CFAP299: variants seen among roughly 807,000 people sequenced by gnomAD.
CFAP299 encodes cilia and flagella associated protein 299, also known as cilia- and flagella-associated protein 299.
Under a neutral mutation model 27.0 loss-of-function variants are expected in CFAP299, and 21 were observed. That is an observed-to-expected ratio of 0.78 (90% CI 0.55 to 1.12). The LOEUF is 1.12. Ranked by LOEUF, CFAP299 falls within the 50% of genes most tolerant of loss-of-function variation. The probability of loss-of-function intolerance (pLI) is 0.00; values close to 1 mark genes in which losing one functional copy is unlikely to be tolerated. For missense variants in CFAP299, 310 were observed against 276.6 expected, an observed-to-expected ratio of 1.12 and a Z score of -0.86; for synonymous variants, 104 against 98.1, an observed-to-expected ratio of 1.06 and a Z score of -0.36.
At chr4:80,909,321 T>C (rs1323327484) in intron 4 of CFAP299, among the ~76,000 whole-genome samples, 1 of 152,102 alleles carries the variant, frequency 6.6e-6, no homozygotes, top group African/African-American at 2.4e-5. Flanking sequence ...AGAGATCTTT[T>C]ACAAGACTTA....
At chr4:80,341,114 C>T (rs950571016) in intron 1 of CFAP299, among the ~76,000 whole-genome samples, 2 of 152,194 alleles carry the variant, frequency 1.3e-5, no homozygotes, top group Admixed American at 6.5e-5. Context: ...TCCATTCCTT[C>T]CCACTGGGCA....
chr4:80,390,982 C>CAT lies in CFAP299; in HGVS notation c.242+28099_242+28100dup, dbSNP rs1283054502. Among the ~76,000 whole-genome samples, 52 of 140,024 alleles carry CAT rather than the reference C, an allele frequency of 3.7e-4. 2 individuals are homozygous for CAT. Among genetic ancestry groups the CAT allele is most frequent in the African/African-American group, 1.2e-3 (44 of 37,374 alleles). The allele number at this position is 140,024 out of a possible 152,430, so 91.9% of individuals were successfully genotyped here. ...ATATATGTATATATGTATGTACACA[C>CAT]ATGTATATATGTATATATGTATGTA... On this transcript the variant is annotated intron_variant, in intron 2 of 5. Coordinates refer to ENST00000358105, the MANE Select transcript of CFAP299 (RefSeq NM_152770.3).
chr4:80,635,219 T>G lies in CFAP299; in HGVS notation c.333+52036T>G, dbSNP rs1422696543. Among the ~76,000 whole-genome samples the G allele has an allele frequency of 3.3e-5, 5 of 152,112 alleles. No homozygotes were observed. In the East Asian group the frequency reaches 9.6e-4, roughly 29 times the overall value. On this transcript the variant is annotated intron_variant, in intron 3 of 5. Transcript: ENST00000358105. ...TCATTTATGACATTTCAGATATAAT[T>G]CCAGCTTATCTGGAATTTAATACAG...
chr4:80,473,562 T>A (rs1173660085), intron 2 of CFAP299, among the ~76,000 whole-genome samples: 1 of 151,946 alleles, frequency 6.6e-6, no homozygotes, highest in African/African-American at 2.4e-5. Context: ...AGCTCAGCCT[T>A]ATTAAAAAAA....
intron 2 of CFAP299, among the ~76,000 whole-genome samples, chr4:80,435,579 A>G (rs1217014158): frequency 6.6e-6 from 1 of 152,178 alleles, no homozygotes; most frequent in East Asian, 1.9e-4. Context: ...AAACATTGCA[A>G]TCTCCCAAGA....
chr4:80,498,640 T>C (rs933257458), intron 2 of CFAP299, among the ~76,000 whole-genome samples: 1 of 152,116 alleles, frequency 6.6e-6, no homozygotes, highest in Non-Finnish European at 1.5e-5. Context: ...TACATACCAC[T>C]AGTGGTAATA....
intron 4 of CFAP299, among the ~76,000 whole-genome samples, chr4:80,907,805 C>G (rs1350025980): frequency 6.6e-6 from 1 of 152,110 alleles, no homozygotes; most frequent in Non-Finnish European, 1.5e-5. Context: ...GGGATACAGC[C>G]AAACTTTGTC....
In CFAP299 at chr4:80,601,064, A is replaced by C. The variant is rs568488079; in HGVS notation, c.333+17881A>C. ...AGACTCATATATGAGAGTGTTATAT[A>C]AAGCTGCAACCTTCCCAGATGGTTA... On this transcript the variant is annotated intron_variant, in intron 3 of 5. Coordinates refer to ENST00000358105, the MANE Select transcript of CFAP299 (RefSeq NM_152770.3). Among the ~76,000 whole-genome samples the C allele has an allele frequency of 2.6e-4, 39 of 152,296 alleles. 1 individual carries two copies. The South Asian group carries it at 8.1e-3, about 32-fold the overall frequency.
chr4:80,692,955 A>G (rs1175071838), intron 3 of CFAP299, among the ~76,000 whole-genome samples: 1 of 152,248 alleles, frequency 6.6e-6, no homozygotes, highest in East Asian at 1.9e-4. Context: ...AATGCTCACC[A>G]TCACTGGCCA....
At chr4:80,572,322 A>G (rs1302836402) in intron 2 of CFAP299, among the ~76,000 whole-genome samples, 1 of 151,694 alleles carries the variant, frequency 6.6e-6, no homozygotes, top group Non-Finnish European at 1.5e-5. Flanking sequence ...TCCCCAGCCC[A>G]GCTATCCTTC....
intron 4 of CFAP299, among the ~76,000 whole-genome samples, chr4:80,891,006 A>G (rs892722393): frequency 1.3e-5 from 2 of 152,006 alleles, no homozygotes; most frequent in Admixed American, 6.6e-5. Flanking sequence ...TCCATTTTGT[A>G]GGTTGCCTGT....
intron 3 of CFAP299, among the ~76,000 whole-genome samples, chr4:80,669,628 A>T (rs1741359715): frequency 6.9e-6 from 1 of 145,478 alleles, no homozygotes. Flanking sequence ...AGATTATGTC[A>T]TTTGCAAACA....
chr4:80,868,947 G>A (rs189658035), intron 3 of CFAP299, among the ~76,000 whole-genome samples: 1 of 148,702 alleles, frequency 6.7e-6, no homozygotes, highest in Non-Finnish European at 1.5e-5. Context: ...GTGTGTGTGT[G>A]TCCCAATATG....
At chr4:80,562,664 A>C (rs1012176912) in intron 2 of CFAP299, among the ~76,000 whole-genome samples, 1 of 135,246 alleles carries the variant, frequency 7.4e-6, no homozygotes, top group Non-Finnish European at 1.5e-5. Flanking sequence ...TTTCAATAAT[A>C]ATAATAATAA....
chr4:80,726,382 C>T (rs994434118), intron 3 of CFAP299, among the ~76,000 whole-genome samples: 8 of 152,116 alleles, frequency 5.3e-5, no homozygotes, highest in Middle Eastern at 3.4e-3. Context: ...GTCATTGATA[C>T]TTGTTAAATT....
intron 1 of CFAP299, among the ~76,000 whole-genome samples, chr4:80,341,728 A>T (rs1332368795): frequency 2.6e-5 from 4 of 152,260 alleles, no homozygotes; most frequent in Non-Finnish European, 5.9e-5. Flanking sequence ...AGTCATTGCA[A>T]AAATGCTGAA....
chr4:80,744,837 T>C (rs1171112301), intron 3 of CFAP299, among the ~76,000 whole-genome samples: 1 of 152,136 alleles, frequency 6.6e-6, no homozygotes, highest in African/African-American at 2.4e-5. Context: ...TGCAAAATGA[T>C]ATTTAACTGG....
intron 2 of CFAP299, among the ~76,000 whole-genome samples, chr4:80,440,495 A>G (rs1232354656): frequency 6.6e-6 from 1 of 152,232 alleles, no homozygotes; most frequent in Non-Finnish European, 1.5e-5. Context: ...ACAAACAGAA[A>G]TCAATAACAT....
chr4:80,422,901 C>T (rs1345231042), intron 2 of CFAP299, among the ~76,000 whole-genome samples: 2 of 152,098 alleles, frequency 1.3e-5, no homozygotes, highest in Non-Finnish European at 2.9e-5. Context: ...CTTATGTAAA[C>T]CTAGATGGCA....
Sources: gnomAD v4.1 joint callset for allele counts (sites outside exome capture counted in the v4.1 genomes callset) on GRCh38, gnomAD v4.1.1 for gene constraint, MANE v1.5 for transcripts, NCBI Gene and HGNC (gene_info 2026-07-23, HGNC 2026-07-21) for gene names.